The following CDH13 variants were observed in gnomAD, a reference collection of about 807,000 sequenced individuals.
CDH13 encodes the protein cadherin-13.
In CDH13, 24 loss-of-function variants were observed where a neutral mutation model predicts 63.8. The ratio of observed to expected loss-of-function variants is 0.38; its 90% CI spans 0.27 to 0.53. The LOEUF (loss-of-function observed/expected upper bound fraction) is 0.53. Among genes scored for constraint, CDH13 ranks in the 20% least tolerant of loss-of-function variants. The pLI is 0.85. For synonymous variants in CDH13, 503 were observed against 355.3 expected (o/e 1.42, Z -4.67); for missense variants, 1,049 against 903.1 (o/e 1.16, Z -2.07).
intron 3 of CDH13, among the ~76,000 whole-genome samples, chr16:83,062,583 G>A (rs1336399998): frequency 6.6e-6 from 1 of 152,218 alleles, no homozygotes; most frequent in South Asian, 2.1e-4. Context: ...CAGGAAGCAA[G>A]GAAGTGATCG....
intron 4 of CDH13, among the ~76,000 whole-genome samples, chr16:83,131,714 G>A (rs186111856): frequency 2.4e-4 from 36 of 152,298 alleles, no homozygotes; most frequent in Non-Finnish European, 3.5e-4. Flanking sequence ...TAGAGATTCT[G>A]CTTTCATCAC....
At chr16:83,237,416 A>G (rs1904275110) in intron 5 of CDH13, among the ~76,000 whole-genome samples, 2 of 152,216 alleles carry the variant, frequency 1.3e-5, no homozygotes, top group Non-Finnish European at 2.9e-5. Context: ...GTAGACCAAC[A>G]CTGTGTAATA....
intron 1 of CDH13, among the ~76,000 whole-genome samples, chr16:82,745,718 A>G (rs148947746): frequency 6.6e-6 from 1 of 152,258 alleles, no homozygotes; most frequent in East Asian, 1.9e-4. Flanking sequence ...GTCTCTTTTC[A>G]TAAATAGGAT....
intron 1 of CDH13, among the ~76,000 whole-genome samples, chr16:82,819,124 A>T (rs2037872358): frequency 6.6e-6 from 1 of 152,228 alleles, no homozygotes; most frequent in Non-Finnish European, 1.5e-5. Flanking sequence ...CCACATAGAG[A>T]TTGGATAAAT....
intron 6 of CDH13, among the ~76,000 whole-genome samples, chr16:83,431,809 C>T (rs888037368): frequency 6.6e-6 from 1 of 152,144 alleles, no homozygotes; most frequent in Non-Finnish European, 1.5e-5. Flanking sequence ...ATGATCTAAT[C>T]GCCTCCCGCC....
In CDH13 at chr16:82,951,703, A is replaced by T. The variant is rs533901673; in HGVS notation, c.158-80307A>T. Among the ~76,000 whole-genome samples, 3 of 152,294 alleles carry T rather than the reference A, an allele frequency of 2.0e-5. No individual in the cohort carries two copies. In the South Asian group the frequency reaches 6.2e-4, roughly 32 times the overall value. On this transcript the variant is annotated intron_variant, in intron 2 of 13. Transcript: ENST00000567109. ...GGGAGGCCCAGGTAACTCCAAAGAG[A>T]GGGTCCATTCATCATGGACCCAGGC...
In CDH13 at chr16:83,797,032, G is replaced by C. The variant is rs976078137; in HGVS notation, c.*2002G>C. 6.6e-6 allele frequency: 1 copy of C among 152,198 alleles called. No homozygotes were observed. Among genetic ancestry groups the C allele is most frequent in the Non-Finnish European group, 1.5e-5 (1 of 68,058 alleles). The allele number at this position is 152,198 out of a possible 1,614,324, so 9.4% of individuals were successfully genotyped here. Reference sequence around the variant, plus strand: ...CCGACTCAGGGACAGGGGAATCTAAGCCTGTGCATTCACACTCCACAAGAT... The same window carrying C: ...CCGACTCAGGGACAGGGGAATCTAACCCTGTGCATTCACACTCCACAAGAT... On this transcript the variant is annotated 3_prime_UTR_variant, in exon 14 of 14. Coordinates refer to ENST00000567109, the MANE Select transcript of CDH13 (RefSeq NM_001257.5).
chr16:83,001,906 C>G (rs933662813), intron 2 of CDH13, among the ~76,000 whole-genome samples: 2 of 152,174 alleles, frequency 1.3e-5, no homozygotes, highest in African/African-American at 4.8e-5. Context: ...CTCAGGAGAG[C>G]TGTACACCTC....
chr16:83,481,160 A>G (rs1040857160), intron 6 of CDH13, among the ~76,000 whole-genome samples: 11 of 152,230 alleles, frequency 7.2e-5, no homozygotes, highest in Non-Finnish European at 1.6e-4. Flanking sequence ...TTGCTTTAAC[A>G]TCACACTTCT....
chr16:83,212,334 G>A (rs1171586198), intron 4 of CDH13, among the ~76,000 whole-genome samples: 4 of 152,192 alleles, frequency 2.6e-5, no homozygotes, highest in Non-Finnish European at 5.9e-5. Context: ...AGCCAGAGAG[G>A]TGGTGGGTAA....
intron 13 of CDH13, among the ~76,000 whole-genome samples, chr16:83,787,476 T>G (rs902414586): frequency 6.6e-6 from 1 of 152,202 alleles, no homozygotes; most frequent in African/African-American, 2.4e-5. Flanking sequence ...ATCCTGTCAT[T>G]TGAATACGGT....
At chr16:83,073,239 C>A (rs1313566731) in intron 3 of CDH13, among the ~76,000 whole-genome samples, 1 of 152,002 alleles carries the variant, frequency 6.6e-6, no homozygotes, top group Admixed American at 6.6e-5. Context: ...CACGAAATCA[C>A]TGTGCTAGTA....
Position 83,492,828 on chromosome 16 carries a change from G to T in CDH13, c.960+6173G>T, listed in dbSNP as rs149394017. 2.6e-4 allele frequency among the ~76,000 whole-genome samples: 39 copies of T among 152,278 alleles called. 1 individual carries two copies. The East Asian group carries it at 7.5e-3, about 29-fold the overall frequency. ...CCTCCACTCTGGATAAATTCTAGAA[G>T]AAGACCTTGATGAGTCTCAGGACTC... On this transcript the variant is annotated intron_variant, in intron 7 of 13. Coordinates refer to ENST00000567109, the MANE Select transcript of CDH13 (RefSeq NM_001257.5).
Position 83,230,647 on chromosome 16 carries a change from C to T in CDH13, c.636+13150C>T, listed in dbSNP as rs555228082. Among the ~76,000 whole-genome samples the T allele has an allele frequency of 9.9e-5, 15 of 152,180 alleles. No homozygotes were observed. The South Asian group carries it at 1.9e-3, about 19-fold the overall frequency. ...ACTAAAAACACAAAAATTAGCTGGG[C>T]GTGGTGGCAAGCGCCTGTAGTCCCA... is the stretch of plus-strand genomic sequence containing the variant. On this transcript the variant is annotated intron_variant, in intron 5 of 13. Coordinates refer to ENST00000567109, the MANE Select transcript of CDH13 (RefSeq NM_001257.5).
chr16:83,741,900 A>T (rs990473990), intron 10 of CDH13, among the ~76,000 whole-genome samples: 6 of 152,128 alleles, frequency 3.9e-5, no homozygotes, highest in Middle Eastern at 3.4e-3. Context: ...TAGGCGGCAC[A>T]CTCCTTATGA....
chr16:83,257,277 A>G (rs532628067), intron 5 of CDH13, among the ~76,000 whole-genome samples: 17 of 152,300 alleles, frequency 1.1e-4, no homozygotes, highest in South Asian at 2.1e-4. Context: ...TGAAAGGTTC[A>G]AAGAAGCCGA....
intron 7 of CDH13, among the ~76,000 whole-genome samples, chr16:83,518,954 CT>C (rs1235998661): frequency 2.0e-5 from 3 of 152,148 alleles, no homozygotes; most frequent in African/African-American, 7.2e-5. Flanking sequence ...TCTGGTATGT[CT>C]TTATTAGTAG....
intron 2 of CDH13, chr16:82,954,416 C>T (rs575449686): frequency 1.6e-4 from 25 of 152,178 alleles, no homozygotes; most frequent in African/African-American, 6.0e-4. Flanking sequence ...GATGTGAGCA[C>T]ACAAGAACAG....
At chr16:83,053,132 G>T (rs2030560725) in intron 3 of CDH13, among the ~76,000 whole-genome samples, 1 of 152,160 alleles carries the variant, frequency 6.6e-6, no homozygotes, top group Admixed American at 6.5e-5. Context: ...TTAGAAAGAT[G>T]CCTGGAACAT....
Sources: gnomAD v4.1 joint callset for allele counts (sites outside exome capture counted in the v4.1 genomes callset) on GRCh38, gnomAD v4.1.1 for gene constraint, MANE v1.5 for transcripts, NCBI Gene and HGNC (gene_info 2026-07-23, HGNC 2026-07-21) for gene names.